Variants in PLCB1 observed in about 807,000 individuals in gnomAD.
PLCB1 encodes the protein phospholipase C beta 1.
Under a neutral mutation model 161.8 loss-of-function variants are expected in PLCB1, and 46 were observed. The observed-to-expected ratio is 0.28, with a 90% CI of 0.22 to 0.36. PLCB1 has a LOEUF of 0.36. Among genes scored for constraint, PLCB1 ranks in the 10% least tolerant of loss-of-function variants. PLCB1 has a pLI of 1.00. For missense variants in PLCB1, 1,016 were observed against 1,472.5 expected (o/e 0.69, Z 5.07); for synonymous variants, 517 against 503.7 (o/e 1.03, Z -0.35).
intron 31 of PLCB1, among the ~76,000 whole-genome samples, chr20:8,838,365 C>A (rs1986370595): frequency 6.6e-6 from 1 of 152,176 alleles, no homozygotes; most frequent in African/African-American, 2.4e-5. Flanking sequence ...GACACTTATT[C>A]CAGAAGGCCC....
At chr20:8,600,587 A>T (rs1987531999) in intron 3 of PLCB1, 3 of 150,858 alleles carry the variant, frequency 2.0e-5, no homozygotes, top group Admixed American at 2.0e-4. Context: ...GGTGGAGCCT[A>T]CAGAGGCAGG....
At chr20:8,320,682 A>G (rs1302446402) in intron 2 of PLCB1, among the ~76,000 whole-genome samples, 1 of 152,126 alleles carries the variant, frequency 6.6e-6, no homozygotes, top group African/African-American at 2.4e-5. Flanking sequence ...CTTTGTCTTG[A>G]CAAAGTCATT....
intron 2 of PLCB1, among the ~76,000 whole-genome samples, chr20:8,311,930 A>G (rs543695188): frequency 6.6e-6 from 1 of 152,170 alleles, no homozygotes; most frequent in African/African-American, 2.4e-5. Context: ...GAGGAGAGCA[A>G]GCCTTTAAAC....
intron 2 of PLCB1, among the ~76,000 whole-genome samples, chr20:8,197,427 T>A (rs1267332436): frequency 1.3e-5 from 2 of 152,206 alleles, no homozygotes; most frequent in Non-Finnish European, 2.9e-5. Flanking sequence ...GATGAGCATT[T>A]TTTCATGTGT....
intron 31 of PLCB1, among the ~76,000 whole-genome samples, chr20:8,827,552 A>C (rs755741345): frequency 4.6e-5 from 7 of 152,232 alleles, no homozygotes; most frequent in Non-Finnish European, 8.8e-5. Context: ...ATTGAATAAA[A>C]TTTAAAATTC....
intron 9 of PLCB1, among the ~76,000 whole-genome samples, chr20:8,676,144 C>T (rs1394003993): frequency 6.6e-6 from 1 of 152,224 alleles, no homozygotes; most frequent in Non-Finnish European, 1.5e-5. Flanking sequence ...CTTAAACAGG[C>T]GGATCACCTG....
chr20:8,824,180 C>T (rs1344524229), intron 31 of PLCB1, among the ~76,000 whole-genome samples: 2 of 152,020 alleles, frequency 1.3e-5, no homozygotes, highest in Non-Finnish European at 2.9e-5. Flanking sequence ...GATTGTTGGG[C>T]CTGTAAGTAG....
chr20:8,414,502 G>C (rs767402258), intron 3 of PLCB1, among the ~76,000 whole-genome samples: 1 of 151,846 alleles, frequency 6.6e-6, no homozygotes, highest in South Asian at 2.1e-4. Flanking sequence ...GTATGAATGC[G>C]TAAGAGAAGA....
chr20:8,748,382 G>A (rs572821891), intron 23 of PLCB1, among the ~76,000 whole-genome samples: 1 of 152,124 alleles, frequency 6.6e-6, no homozygotes, highest in Non-Finnish European at 1.5e-5. Flanking sequence ...AAGAACTAGG[G>A]TCTTTTTAAA....
chr20:8,394,371 A>T (rs1246649088), intron 3 of PLCB1, among the ~76,000 whole-genome samples: 1 of 152,164 alleles, frequency 6.6e-6, no homozygotes, highest in East Asian at 1.9e-4. Context: ...TTTAATAGTC[A>T]TAGTTTCTTT....
intron 3 of PLCB1, among the ~76,000 whole-genome samples, chr20:8,392,086 C>A (rs950210730): frequency 1.3e-5 from 2 of 151,986 alleles, no homozygotes; most frequent in Middle Eastern, 6.8e-3. Context: ...AAGTTTGCGT[C>A]CCCTCCAATA....
chr20:8,805,952 C>T (rs1984517445), intron 31 of PLCB1, among the ~76,000 whole-genome samples: 1 of 152,128 alleles, frequency 6.6e-6, no homozygotes, highest in Non-Finnish European at 1.5e-5. Flanking sequence ...AAGGGATACA[C>T]ACCACACATG....
intron 2 of PLCB1, among the ~76,000 whole-genome samples, chr20:8,188,301 G>C (rs1253474661): frequency 1.3e-5 from 2 of 152,072 alleles, no homozygotes; most frequent in African/African-American, 4.8e-5. Flanking sequence ...CAAGTTACAT[G>C]GCCAAGCCCA....
At chr20:8,759,409 CT>C (rs1465582336) in intron 24 of PLCB1, among the ~76,000 whole-genome samples, 1 of 152,198 alleles carries the variant, frequency 6.6e-6, no homozygotes, top group Admixed American at 6.5e-5. Context: ...CTTCCTTAAA[CT>C]TTTGCTTACT....
At position 8,201,420 on chromosome 20, in the gene PLCB1, A is replaced by G. The variant is rs576420360; in HGVS notation, c.177+51049A>G. On this transcript the variant is annotated intron_variant, in intron 2 of 31. Transcript: ENST00000338037. Reference sequence around the variant, plus strand: ...ACAATTCTTATTTTAAAGCCAGAGGAAAAAAATCCAAAAATTTTTTTAGCA... The same window carrying G: ...ACAATTCTTATTTTAAAGCCAGAGGGAAAAAATCCAAAAATTTTTTTAGCA... Among the ~76,000 whole-genome samples, 66 of 152,206 alleles carry G rather than the reference A, an allele frequency of 4.3e-4. 1 individual carries two copies. Among genetic ancestry groups the G allele is most frequent in the African/African-American group, 1.5e-3 (64 of 41,550 alleles).
intron 23 of PLCB1, among the ~76,000 whole-genome samples, chr20:8,750,278 C>T (rs6086577): frequency 6.6e-6 from 1 of 152,008 alleles, no homozygotes; most frequent in Non-Finnish European, 1.5e-5. Flanking sequence ...AAGTACTTTA[C>T]TTGGTGTTAA....
intron 3 of PLCB1, among the ~76,000 whole-genome samples, chr20:8,620,236 AT>A (rs199776294): frequency 6.6e-6 from 1 of 151,968 alleles, no homozygotes; most frequent in Non-Finnish European, 1.5e-5. Flanking sequence ...CCAGCTATTA[AT>A]TTTTTTTCAA....
chr20:8,726,449 G>A (rs753168385), intron 16 of PLCB1, among the ~76,000 whole-genome samples: 25 of 152,032 alleles, frequency 1.6e-4, no homozygotes, highest in Non-Finnish European at 3.5e-4. Flanking sequence ...AATTTGTAAA[G>A]AAAAGAGGTT....
intron 1 of PLCB1, among the ~76,000 whole-genome samples, chr20:8,143,366 T>C (rs6055567): frequency 0.03 from 4,581 of 152,262 alleles, 209 homozygotes; most frequent in African/African-American, 0.1. Flanking sequence ...ATCTTCCTTG[T>C]TTTTATTTGC....
Sources: allele counts gnomAD v4.1 joint callset (sites outside exome capture counted in the v4.1 genomes callset), GRCh38; gene constraint gnomAD v4.1.1; transcripts MANE v1.5; gene names NCBI Gene and HGNC (gene_info 2026-07-23, HGNC 2026-07-21).